Variants in CCDC150 observed in about 807,000 individuals in gnomAD.
The protein encoded by CCDC150 is coiled-coil domain-containing protein 150.
A neutral mutation model predicts 156.5 loss-of-function variants in CCDC150; 151 were observed. The observed-to-expected ratio is 0.97, with a 90% CI of 0.85 to 1.10. CCDC150 has a LOEUF of 1.10. CCDC150 is among the 50% of genes least tolerant of loss of function. CCDC150 has a pLI of 0.00. For synonymous variants in CCDC150, 452 were observed against 429.4 expected, an observed-to-expected ratio of 1.05 and a Z score of -0.65; for missense variants, 1,312 against 1,268.1, an observed-to-expected ratio of 1.03 and a Z score of -0.53.
intron 2 of CCDC150, among the ~76,000 whole-genome samples, chr2:196,653,549 C>T (rs969938238): frequency 2.6e-5 from 4 of 152,206 alleles, no homozygotes; most frequent in African/African-American, 9.7e-5. Flanking sequence ...GAGACCTCAT[C>T]AGCCTGTCCT....
chr2:196,699,405 C>T (rs545883573), intron 14 of CCDC150, among the ~76,000 whole-genome samples: 31 of 152,070 alleles, frequency 2.0e-4, no homozygotes, highest in African/African-American at 5.1e-4. Context: ...TATGATTTTA[C>T]GGTAGGTGGT....
At chr2:196,644,770 A>C (rs1212476153) in intron 1 of CCDC150, among the ~76,000 whole-genome samples, 5 of 152,154 alleles carry the variant, frequency 3.3e-5, no homozygotes, top group African/African-American at 1.2e-4. Flanking sequence ...AAAAAGTTTC[A>C]CAGTAGGGCA....
chr2:196,671,308 A>G (rs2125606927), intron 8 of CCDC150, among the ~76,000 whole-genome samples: 1 of 151,974 alleles, frequency 6.6e-6, no homozygotes, highest in Non-Finnish European at 1.5e-5. Flanking sequence ...AATGCCATAT[A>G]GTTGGAATCA....
chr2:196,721,619 A>G lies in CCDC150; in HGVS notation c.2357A>G (p.Gln786Arg), dbSNP rs945609225. The G allele has an allele frequency of 3.7e-6, 6 of 1,607,012 alleles. No individual in the cohort carries two copies. The African/African-American group carries it at 6.7e-5, about 18-fold the overall frequency. ...GCTCTCCAGACAAATAATCATCTGC[A>G]AACAAAGCTAGATCACATTCAAGAG... ...EQALQTNNHLQTKLDHIQEQL... is the reference protein window; with the variant it reads ...EQALQTNNHLRTKLDHIQEQL... Residue 786 changes from glutamine to arginine, a missense_variant, in exon 21 of 28, where the codon CAA (glutamine) becomes CGA (arginine). Transcript: ENST00000389175.
At chr2:196,704,990 G>GCC (rs1696512911) in intron 15 of CCDC150, among the ~76,000 whole-genome samples, 1 of 152,112 alleles carries the variant, frequency 6.6e-6, no homozygotes, top group African/African-American at 2.4e-5. Flanking sequence ...CTTTGCTATT[G>GCC]TGAATAGTGC....
At chr2:196,729,734 AAG>A in intron 23 of CCDC150, 57 bp from the exon 24 acceptor site, 2 of 1,196,790 alleles carry the variant, frequency 1.7e-6, no homozygotes, top group South Asian at 2.9e-5. Context: ...TATAGGCAAA[AAG>A]AGCAAGCCAG....
chr2:196,688,193 C>T (rs1013506741), intron 13 of CCDC150, among the ~76,000 whole-genome samples: 4 of 152,104 alleles, frequency 2.6e-5, no homozygotes, highest in African/African-American at 9.7e-5. Context: ...TTGCTTTGGG[C>T]AGTATGGCCA....
chr2:196,688,184 T>A (rs1695226731), intron 13 of CCDC150, among the ~76,000 whole-genome samples: 1 of 152,220 alleles, frequency 6.6e-6, no homozygotes, highest in Non-Finnish European at 1.5e-5. Flanking sequence ...ATCTGTAAAT[T>A]GCTTTGGGCA....
At chr2:196,715,237 G>A (rs1262284917) in intron 17 of CCDC150, among the ~76,000 whole-genome samples, 1 of 152,066 alleles carries the variant, frequency 6.6e-6, no homozygotes, top group Non-Finnish European at 1.5e-5. Context: ...AGCAACAGAG[G>A]AAGCAACCAA....
chr2:196,651,129 G>A (rs1692849192), intron 2 of CCDC150, among the ~76,000 whole-genome samples: 1 of 152,128 alleles, frequency 6.6e-6, no homozygotes, highest in Admixed American at 6.6e-5. Flanking sequence ...CTATTTTAAG[G>A]TGATAACAAT....
chr2:196,690,090 T>C (rs1042209118), intron 13 of CCDC150, among the ~76,000 whole-genome samples: 3 of 151,988 alleles, frequency 2.0e-5, no homozygotes, highest in Non-Finnish European at 4.4e-5. Flanking sequence ...ATGGATGAAA[T>C]TGGAAATCAT....
At chr2:196,692,424 G>A (rs1390456518) in intron 13 of CCDC150, among the ~76,000 whole-genome samples, 5 of 152,102 alleles carry the variant, frequency 3.3e-5, no homozygotes, top group African/African-American at 1.2e-4. Flanking sequence ...GTGAGCCACC[G>A]CGCCCGGCCG....
At chr2:196,669,350 C>T (rs1413832600) in intron 7 of CCDC150, among the ~76,000 whole-genome samples, 3 of 152,148 alleles carry the variant, frequency 2.0e-5, no homozygotes, top group Admixed American at 1.3e-4. Context: ...GCCAGATGTT[C>T]TCCTTGTCTC....
Position 196,718,456 on chromosome 2 carries a change from A to G in CCDC150, c.1867-47A>G, listed in dbSNP as rs536843354. ...TTTCTAAATTTCTATGTCTTATTCT[A>G]ATCACTGATTTGTAATGTTATTTAT... On this transcript the variant is annotated intron_variant, in intron 17 of 27. Transcript: ENST00000389175. 13 of 1,463,712 alleles carry G rather than the reference A, an allele frequency of 8.9e-6. No individual in the cohort carries two copies. The South Asian group carries it at 9.0e-5, about 10-fold the overall frequency. 90.7% of individuals were successfully genotyped at this position (1,463,712 alleles called of 1,614,324 possible). A position where few individuals can be genotyped will look rare whatever the true frequency, so the allele number is the denominator to read the frequency against.
At chr2:196,647,190 G>T (rs1692597452) in intron 2 of CCDC150, among the ~76,000 whole-genome samples, 1 of 151,900 alleles carries the variant, frequency 6.6e-6, no homozygotes, top group Admixed American at 6.6e-5. Flanking sequence ...ATTAAATTTG[G>T]TTCAAATGTT....
In CCDC150 at chr2:196,719,655, C is replaced by G. The variant is rs1440463438; in HGVS notation, c.2154C>G (p.Leu718=). The G allele has an allele frequency of 6.2e-7, 1 of 1,605,832 alleles. No homozygotes were observed. The highest frequency in any genetic ancestry group is 2.2e-5 in the East Asian group (1 of 44,498). The change falls in exon 19 of 28, where the codon CTC becomes CTG. Residue 718 remains leucine (L), a synonymous_variant. Transcript: ENST00000389175. ...LGRRDSEIAG[L]KKERDLNQQR... ...GGAGGGATTCAGAGATTGCAGGCCT[C>G]AAGAAAGAAAGGTACCTGTGGTTTT...
intron 2 of CCDC150, among the ~76,000 whole-genome samples, chr2:196,656,328 G>C (rs1041276845): frequency 6.6e-6 from 1 of 152,172 alleles, no homozygotes; most frequent in African/African-American, 2.4e-5. Context: ...GTTTGGACCT[G>C]AGTGTGCCTC....
At chr2:196,716,495 A>T (rs1003050292) in intron 17 of CCDC150, among the ~76,000 whole-genome samples, 2 of 152,208 alleles carry the variant, frequency 1.3e-5, no homozygotes, top group South Asian at 4.1e-4. Context: ...AAGTTATTCA[A>T]AAAAGAGTGC....
chr2:196,654,518 T>C (rs1485606668), intron 2 of CCDC150, among the ~76,000 whole-genome samples: 1 of 152,100 alleles, frequency 6.6e-6, no homozygotes, highest in Non-Finnish European at 1.5e-5. Context: ...CCACTTCATA[T>C]AGTCTGCCAT....
Sources: gnomAD v4.1 joint callset for allele counts (sites outside exome capture counted in the v4.1 genomes callset) on GRCh38, gnomAD v4.1.1 for gene constraint, MANE v1.5 for transcripts, NCBI Gene and HGNC (gene_info 2026-07-23, HGNC 2026-07-21) for gene names.